Variants in TEK observed in about 807,000 individuals in gnomAD.
The protein encoded by TEK is TEK receptor tyrosine kinase.
A neutral mutation model predicts 131.8 loss-of-function variants in TEK; 43 were observed. That is an observed-to-expected ratio of 0.33 (90% CI 0.26 to 0.42). The LOEUF (loss-of-function observed/expected upper bound fraction) is 0.42. Among genes scored for constraint, TEK ranks in the 10% least tolerant of loss-of-function variants. The pLI, the probability that TEK is intolerant of heterozygous loss-of-function variation, is 1.00. For missense variants in TEK, 1,162 were observed against 1,384.4 expected, an observed-to-expected ratio of 0.84 and a Z score of 2.55; for synonymous variants, 580 against 491.6, an observed-to-expected ratio of 1.18 and a Z score of -2.38.
intron 1 of TEK, among the ~76,000 whole-genome samples, chr9:27,131,924 G>C (rs1311017688): frequency 1.3e-5 from 2 of 152,008 alleles, no homozygotes; most frequent in Non-Finnish European, 2.9e-5. Flanking sequence ...GGGTTAAAAT[G>C]TTCCTTTCTA....
intron 15 of TEK, 34 bp from the exon 16 acceptor site, chr9:27,209,087 A>C: frequency 6.7e-7 from 1 of 1,500,246 alleles, no homozygotes; most frequent in Non-Finnish European, 9.3e-7. Context: ...AAGGTGTAAC[A>C]AAGAAGAATC....
At chr9:27,125,417 G>A (rs1285402334) in intron 1 of TEK, among the ~76,000 whole-genome samples, 2 of 152,188 alleles carry the variant, frequency 1.3e-5, no homozygotes, top group African/African-American at 4.8e-5. Context: ...TCTTTTTCAG[G>A]CTAGGAGAGC....
rs777916496 is a variant in TEK, at chr9:27,168,616, G to A, written c.475+11G>A. 9 of 1,542,124 alleles carry A rather than the reference G, an allele frequency of 5.8e-6. No homozygotes were observed. The African/African-American group carries it at 1.2e-4, about 21-fold the overall frequency. ...TGATTTACAAAAATGGTGAGTATGT[G>A]TTTCATTGCTTTCCCCAGTATGATG... On this transcript the variant is annotated intron_variant, in intron 3 of 22. Coordinates refer to ENST00000380036, the MANE Select transcript of TEK (RefSeq NM_000459.5).
In TEK at chr9:27,157,965, G is replaced by A. The variant is rs1282805932; in HGVS notation, c.187G>A (p.Ala63Thr). Reference sequence around the variant, plus strand: ...CATCACCATAGGAAGGGACTTTGAAGCCTTAATGAACCAGCACCAGGATCC... The same window carrying A: ...CATCACCATAGGAAGGGACTTTGAAACCTTAATGAACCAGCACCAGGATCC... ...EPITIGRDFE[A>T]LMNQHQDPLE... is the part of the protein sequence containing the mutation. The change falls in exon 2 of 23, where the codon GCC (alanine) becomes ACC (threonine). Residue 63 changes from alanine to threonine, a missense_variant. Coordinates refer to ENST00000380036, the MANE Select transcript of TEK (RefSeq NM_000459.5). 6.2e-7 allele frequency: 1 copy of A among 1,613,918 alleles called. No individual in the cohort carries two copies. Among genetic ancestry groups the A allele is most frequent in the Non-Finnish European group, 8.5e-7 (1 of 1,180,010 alleles).
intron 1 of TEK, among the ~76,000 whole-genome samples, chr9:27,136,948 G>A (rs1009974309): frequency 2.0e-5 from 3 of 151,854 alleles, no homozygotes; most frequent in Non-Finnish European, 2.9e-5. Flanking sequence ...ATGGAGTCTC[G>A]CTCTGTCACC....
At chr9:27,138,069 C>T (rs901900870) in intron 1 of TEK, among the ~76,000 whole-genome samples, 4 of 152,118 alleles carry the variant, frequency 2.6e-5, no homozygotes, top group Non-Finnish European at 5.9e-5. Context: ...GTTGTTTGTT[C>T]CTTCCGGTGG....
intron 21 of TEK, among the ~76,000 whole-genome samples, chr9:27,220,404 G>A (rs1826014389): frequency 6.6e-6 from 1 of 152,208 alleles, no homozygotes; most frequent in Non-Finnish European, 1.5e-5. Flanking sequence ...GGCAACAAAT[G>A]CAGAAAAGCT....
intron 9 of TEK, 43 bp from the exon 10 acceptor site, chr9:27,190,486 C>T (rs1309442417): frequency 6.2e-7 from 1 of 1,612,598 alleles, no homozygotes; most frequent in Non-Finnish European, 8.5e-7. Context: ...ATCACAAAAC[C>T]TCAAAGCCGA....
intron 1 of TEK, among the ~76,000 whole-genome samples, chr9:27,124,316 A>G (rs1821907099): frequency 6.6e-6 from 1 of 152,224 alleles, no homozygotes; most frequent in Non-Finnish European, 1.5e-5. Context: ...GCTCTGCTTC[A>G]GGTTGCAGCA....
At chr9:27,217,488 C>A (rs1825859200) in intron 18 of TEK, among the ~76,000 whole-genome samples, 200 bp from the exon 19 acceptor site, 1 of 148,778 alleles carries the variant, frequency 6.7e-6, no homozygotes, top group South Asian at 2.2e-4. Context: ...TATAACGCTG[C>A]TGGACCCCGA....
chr9:27,219,755 T>A (rs77618328), intron 20 of TEK, among the ~76,000 whole-genome samples: 59,480 of 129,242 alleles, frequency 0.46, 14,104 homozygotes, highest in Middle Eastern at 0.57. Flanking sequence ...ATTGGTATAA[T>A]AAAGGTTAAT....
chr9:27,160,568 T>A (rs1823511117), intron 2 of TEK, among the ~76,000 whole-genome samples: 1 of 152,214 alleles, frequency 6.6e-6, no homozygotes, highest in Admixed American at 6.5e-5. Flanking sequence ...TGCTCGACCA[T>A]GGACCACGCT....
At chr9:27,113,420 C>T (rs1821425081) in intron 1 of TEK, among the ~76,000 whole-genome samples, 1 of 152,050 alleles carries the variant, frequency 6.6e-6, no homozygotes. Context: ...GAAACCCCAT[C>T]TCTACTAAAA....
intron 1 of TEK, among the ~76,000 whole-genome samples, chr9:27,112,075 T>A (rs898251743): frequency 6.6e-6 from 1 of 152,052 alleles, no homozygotes; most frequent in Non-Finnish European, 1.5e-5. Context: ...TTTGTTGTAT[T>A]TTTAGTAGAG....
chr9:27,125,093 G>A (rs150615343), intron 1 of TEK, among the ~76,000 whole-genome samples: 13 of 152,142 alleles, frequency 8.5e-5, no homozygotes, highest in African/African-American at 2.9e-4. Flanking sequence ...CTCCCCACCC[G>A]CCTCGGCCCT....
intron 5 of TEK, 48 bp downstream of exon 5, chr9:27,172,795 G>A (rs555864209): frequency 1.1e-5 from 18 of 1,609,032 alleles, no homozygotes; most frequent in African/African-American, 2.7e-5. Flanking sequence ...AAAAGCCATC[G>A]TTGCTGGATC....
chr9:27,169,530 C>A lies in TEK; in HGVS notation c.529C>A (p.His177Asn), dbSNP rs1188288779. Residue 177 changes from histidine (H) to asparagine (N), a missense_variant, in exon 4 of 23, where the codon CAC becomes AAC. Physicochemically the swap from His to Asn is moderately conservative, Grantham distance 68 (BLOSUM62 1). Around this residue, in one of 6 missense-constraint regions of TEK, gnomAD observed 436 missense variants for 539.1 expected, o/e 0.81. Coordinates refer to ENST00000380036, the MANE Select transcript of TEK (RefSeq NM_000459.5). ...RHEVPDILEVHLPHAQPQDAG... is the reference protein window; with the variant it reads ...RHEVPDILEVNLPHAQPQDAG... ...TGAAGTACCTGATATTCTAGAAGTA[C>A]ACCTGCCTCATGCTCAGCCCCAGGA... 1 of 1,614,054 alleles carries A rather than the reference C, an allele frequency of 6.2e-7. No individual in the cohort carries two copies. The highest frequency in any genetic ancestry group is 2.2e-5 in the East Asian group (1 of 44,898).
intron 6 of TEK, among the ~76,000 whole-genome samples, chr9:27,175,790 A>G (rs1824147007): frequency 6.6e-6 from 1 of 152,258 alleles, no homozygotes; most frequent in South Asian, 2.1e-4. Context: ...TGTCTTCTTT[A>G]GAGAAGTGTC....
chr9:27,134,651 A>G (rs767219824), intron 1 of TEK, among the ~76,000 whole-genome samples: 1 of 152,176 alleles, frequency 6.6e-6, no homozygotes, highest in Non-Finnish European at 1.5e-5. Context: ...GTACATGGCA[A>G]ACTTCATTTT....
Sources: gnomAD v4.1 joint callset for allele counts (sites outside exome capture counted in the v4.1 genomes callset) on GRCh38, gnomAD v4.1.1 for gene constraint, gnomAD v4.1.1 regional missense constraint, MANE v1.5 for transcripts, NCBI Gene and HGNC (gene_info 2026-07-23, HGNC 2026-07-21) for gene names.